RASSF5: variants seen among roughly 807,000 people sequenced by gnomAD.
RASSF5 encodes the protein ras association domain-containing protein 5.
A neutral mutation model predicts 40.5 loss-of-function variants in RASSF5; 25 were observed. That is an observed-to-expected ratio of 0.62 (90% CI 0.45 to 0.86). The LOEUF (loss-of-function observed/expected upper bound fraction) is 0.86, where lower values mean the gene tolerates loss of function less well. Ranked by LOEUF, RASSF5 falls within the 40% of genes least tolerant of loss-of-function variation. The probability of loss-of-function intolerance (pLI) is 0.00; values close to 1 mark genes in which losing one functional copy is unlikely to be tolerated. For synonymous variants in RASSF5, 246 were observed against 252.4 expected (o/e 0.97, Z 0.24); for missense variants, 521 against 572.8 (o/e 0.91, Z 0.92).
chr1:206,525,690 A>T (rs1382425245), intron 1 of RASSF5, among the ~76,000 whole-genome samples: 1 of 152,200 alleles, frequency 6.6e-6, no homozygotes, highest in Non-Finnish European at 1.5e-5. Flanking sequence ...GGCCTCAAGC[A>T]ATCCTCCTGC....
At chr1:206,527,828 G>C (rs1667134930) in intron 1 of RASSF5, among the ~76,000 whole-genome samples, 1 of 152,134 alleles carries the variant, frequency 6.6e-6, no homozygotes, top group Non-Finnish European at 1.5e-5. Context: ...GTGCAGAGTA[G>C]GGACCAGGAA....
chr1:206,521,313 C>T (rs1296628867), intron 1 of RASSF5, among the ~76,000 whole-genome samples: 1 of 152,198 alleles, frequency 6.6e-6, no homozygotes, highest in East Asian at 1.9e-4. Context: ...TTCCTTCCCA[C>T]TGCAAAAAAG....
chr1:206,554,784 G>C (rs1327471972), intron 2 of RASSF5, among the ~76,000 whole-genome samples: 1 of 152,178 alleles, frequency 6.6e-6, no homozygotes, highest in African/African-American at 2.4e-5. Flanking sequence ...CTTCAGTCTG[G>C]ATTTTTCCTC....
At chr1:206,577,272 A>G (rs554370030) in intron 2 of RASSF5, among the ~76,000 whole-genome samples, 1 of 152,328 alleles carries the variant, frequency 6.6e-6, no homozygotes, top group Non-Finnish European at 1.5e-5. Context: ...GTGCAGAGAA[A>G]GGAATTAACA....
In RASSF5 at chr1:206,589,036, G is replaced by A. The variant is rs1669252808; in HGVS notation, c.*2058G>A. Reference sequence around the variant, plus strand: ...GTGTTTATGAAATGAGAAAATTATTGGACAATTCAGACTTTACTAAAGCAC... The same window carrying A: ...GTGTTTATGAAATGAGAAAATTATTAGACAATTCAGACTTTACTAAAGCAC... On this transcript the variant is annotated 3_prime_UTR_variant, in exon 6 of 6. Coordinates refer to ENST00000579436, the MANE Select transcript of RASSF5 (RefSeq NM_182663.4). 6.6e-6 allele frequency: 1 copy of A among 152,628 alleles called. No individual in the cohort carries two copies. Among genetic ancestry groups the A allele is most frequent in the Non-Finnish European group, 1.5e-5 (1 of 68,018 alleles). The allele number at this position is 152,628 out of a possible 1,614,324, so 9.5% of individuals were successfully genotyped here.
At position 206,531,446 on chromosome 1, in the gene RASSF5, G is replaced by A. The variant is rs1164752452; in HGVS notation, c.458-6726G>A. On this transcript the variant is annotated intron_variant, in intron 1 of 5. Transcript: ENST00000579436. The surrounding 1 kb of genome is among the most constrained non-coding windows in gnomAD (Gnocchi z 4.7). The stretch of plus-strand genomic sequence containing the variant: ...ACATCTTGGGGCCAGGTTGAGAGGC[G>A]GTATCCTAGCTGGGGGAGCTGGCAG... 6.6e-6 allele frequency among the ~76,000 whole-genome samples: 1 copy of A among 152,164 alleles called. No individual in the cohort carries two copies. Among genetic ancestry groups the A allele is most frequent in the Non-Finnish European group, 1.5e-5 (1 of 68,026 alleles).
chr1:206,535,703 C>CTG lies in RASSF5; in HGVS notation c.458-2458_458-2457dup, dbSNP rs142222948. Among the ~76,000 whole-genome samples, 3,566 of 143,056 alleles carry CTG rather than the reference C, an allele frequency of 0.025. 153 individuals carry two copies. Among genetic ancestry groups the CTG allele is most frequent in the African/African-American group, 0.089 (3,341 of 37,616 alleles). 93.9% of individuals were successfully genotyped at this position (143,056 alleles called of 152,430 possible). On this transcript the variant is annotated intron_variant, in intron 1 of 5. Transcript: ENST00000579436. The surrounding 1 kb of genome is among the most constrained non-coding windows in gnomAD (Gnocchi z 5.0). ...TTTCAGGGTGTGTGTGTGTGTGTGT[C>CTG]TGTGTGTGTGTGGTGTGTGTGTGTG...
rs376852062 is a variant in RASSF5, at chr1:206,583,304, G to A, written c.615G>A (p.Pro205=). 17 of 1,613,506 alleles carry A rather than the reference G, an allele frequency of 1.1e-5. No individual in the cohort carries two copies. Among genetic ancestry groups the A allele is most frequent in the African/African-American group, 4.0e-5 (3 of 74,852 alleles). ...VCKPVEETQR[P]PTLQEIKQKI... is the part of the protein sequence containing the mutation. ...AACCTGTGGAGGAGACACAGCGCCC[G>A]CCCACACTGCAGGAGATCAAGCAGA... Residue 205 remains proline (P), a synonymous_variant, in exon 3 of 6, where the codon CCG becomes CCA. Transcript: ENST00000579436.
At chr1:206,549,057 G>C (rs527993250) in intron 2 of RASSF5, among the ~76,000 whole-genome samples, 1 of 152,124 alleles carries the variant, frequency 6.6e-6, no homozygotes, top group South Asian at 2.1e-4. Flanking sequence ...GTAGAGACAG[G>C]GTTTCACTAT....
chr1:206,543,682 A>C (rs1373101625), intron 2 of RASSF5: 1 of 152,128 alleles, frequency 6.6e-6, no homozygotes, highest in Non-Finnish European at 1.5e-5. Context: ...GGGTAGAGTG[A>C]GGCTCTCACC....
rs1553407247 is a variant in RASSF5, at chr1:206,584,770, G to A, written c.988+86G>A. ...ACTAAAACTCCTGCCGGCCTTGGGT[G>A]GGAGCTGTGGGCTTCTCCTGAGCAC... On this transcript the variant is annotated intron_variant, in intron 4 of 5. Coordinates refer to ENST00000579436, the MANE Select transcript of RASSF5 (RefSeq NM_182663.4). This position sits in a 1 kb window ranked among gnomAD's most constrained non-coding sequence, Gnocchi z 4.9. The A allele has an allele frequency of 7.0e-7, 1 of 1,424,756 alleles. No individual in the cohort carries two copies. Among genetic ancestry groups the A allele is most frequent in the South Asian group, 1.3e-5 (1 of 79,752 alleles). 88.3% of individuals were successfully genotyped at this position (1,424,756 alleles called of 1,614,324 possible).
intron 2 of RASSF5, among the ~76,000 whole-genome samples, chr1:206,573,734 G>A (rs782795140): frequency 6.6e-5 from 10 of 152,354 alleles, no homozygotes; most frequent in South Asian, 6.2e-4. Context: ...GTAGCCAGGC[G>A]TAGTGGCTCA....
Position 206,507,656 on chromosome 1 carries a change from C to T in RASSF5, c.54C>T (p.Asp18=), listed in dbSNP as rs1666487964. Residue 18 remains aspartate, a synonymous_variant, in exon 1 of 6, where the codon GAC becomes GAT. Coordinates refer to ENST00000579436, the MANE Select transcript of RASSF5 (RefSeq NM_182663.4). ...AGCGCCCGTACCCGCTACTATTGGA[C>T]CCCGAGCCGCCGCGCTATCTACAGA... The part of the protein sequence containing the change: ...IGQRPYPLLL[D]PEPPRYLQSL... 5 of 1,527,900 alleles carry T rather than the reference C, an allele frequency of 3.3e-6. No homozygotes were observed. The highest frequency in any genetic ancestry group is 3.5e-6 in the Non-Finnish European group (4 of 1,143,976). The allele number at this position is 1,527,900 out of a possible 1,614,324, so 94.6% of individuals were successfully genotyped here. A position where few individuals can be genotyped will look rare whatever the true frequency, so the allele number is the denominator to read the frequency against.
At chr1:206,563,278 GC>G (rs1276780361) in intron 2 of RASSF5, among the ~76,000 whole-genome samples, 1 of 152,192 alleles carries the variant, frequency 6.6e-6, no homozygotes. Flanking sequence ...TGAGCATTTA[GC>G]TGTCTCTGCC....
chr1:206,585,313 G>A lies in RASSF5; in HGVS notation c.1104+18G>A, dbSNP rs1272139525. Reference sequence around the variant, plus strand: ...AGGTAGAGGTAGGTCTGGACCCATTGTGCAAACCCAGGCCTTAGGGCACCC... The same window carrying A: ...AGGTAGAGGTAGGTCTGGACCCATTATGCAAACCCAGGCCTTAGGGCACCC... On this transcript the variant is annotated intron_variant, in intron 5 of 5. Transcript: ENST00000579436. The A allele has an allele frequency of 3.1e-6, 5 of 1,603,984 alleles. No homozygotes were observed. The highest frequency in any genetic ancestry group is 1.7e-5 in the Admixed American group (1 of 60,002).
Position 206,560,146 on chromosome 1 carries a change from T to A in RASSF5, c.579+21853T>A, listed in dbSNP as rs373008959. Among the ~76,000 whole-genome samples, 1 of 152,346 alleles carries A rather than the reference T, an allele frequency of 6.6e-6. No individual in the cohort carries two copies. Among genetic ancestry groups the A allele is most frequent in the South Asian group, 2.1e-4 (1 of 4,830 alleles). Reference sequence around the variant, plus strand: ...GTCTCCAAGGAAAGGAGTTGATGTGTTTCCCGGTCGTCGAGAGATTGAGGC... The same window carrying A: ...GTCTCCAAGGAAAGGAGTTGATGTGATTCCCGGTCGTCGAGAGATTGAGGC... On this transcript the variant is annotated intron_variant, in intron 2 of 5. Transcript: ENST00000579436. This position sits in a 1 kb window ranked among gnomAD's most constrained non-coding sequence, Gnocchi z 5.1.
At chr1:206,567,269 G>A (rs1553403541) in intron 2 of RASSF5, among the ~76,000 whole-genome samples, 1 of 152,224 alleles carries the variant, frequency 6.6e-6, no homozygotes, top group Non-Finnish European at 1.5e-5. Context: ...GGCCTCCGAG[G>A]GGGTTGGGCA....
intron 1 of RASSF5, among the ~76,000 whole-genome samples, chr1:206,509,308 A>G (rs1403115948): frequency 6.6e-6 from 1 of 152,238 alleles, no homozygotes; most frequent in African/African-American, 2.4e-5. Context: ...CTGCAGGGAA[A>G]TAGAACTCAG....
intron 1 of RASSF5, among the ~76,000 whole-genome samples, chr1:206,533,810 G>A (rs782258640): frequency 6.6e-6 from 1 of 152,038 alleles, no homozygotes; most frequent in Non-Finnish European, 1.5e-5. Context: ...AACCTTATTC[G>A]GAAATATGGT....
Sources: gnomAD v4.1 joint callset for allele counts (sites outside exome capture counted in the v4.1 genomes callset) on GRCh38, gnomAD v4.1.1 for gene constraint, Gnocchi (gnomAD v3.1) non-coding constraint, MANE v1.5 for transcripts, NCBI Gene and HGNC (gene_info 2026-07-23, HGNC 2026-07-21) for gene names.